The following SH3YL1 variants were observed in gnomAD, a reference collection of about 807,000 sequenced individuals.
SH3YL1 encodes SH3 and SYLF domain containing 1.
In SH3YL1, 41 loss-of-function variants were observed where a neutral mutation model predicts 45.8. The ratio of observed to expected loss-of-function variants is 0.89; its 90% CI spans 0.70 to 1.16. The LOEUF is 1.16. Ranked by LOEUF, SH3YL1 falls within the 50% of genes most tolerant of loss-of-function variation. SH3YL1 has a pLI of 0.00. For missense variants in SH3YL1, 389 were observed against 409.6 expected (o/e 0.95, Z 0.43); for synonymous variants, 152 against 151.4 (o/e 1.00, Z -0.03).
At chr2:264,086 G>T, upstream of SH3YL1, 1 of 1,340,552 alleles carries the variant, frequency 7.5e-7, no homozygotes, top group Non-Finnish European at 9.6e-7. Context: ...GGGCGTACCT[G>T]CGGCAGGTGA....
rs752335951 is a variant in SH3YL1 at position 231,109 on chromosome 2, T to C, written c.616A>G (p.Ile206Val). 3.7e-6 allele frequency: 6 copies of C among 1,614,170 alleles called. No homozygotes were observed. Among genetic ancestry groups the C allele is most frequent in the Middle Eastern group, 1.6e-4 (1 of 6,062 alleles). ...RPAQAEDLYE[I>V]LDSFTEKYEN... ...TACTTTTCAGTAAAGGAATCAAGAA[T>C]TTCATAAAGATCTTCGGCTTGAGCA... Residue 206 changes from isoleucine (I) to valine (V), a missense_variant, in exon 7 of 10, where the codon ATT becomes GTT. Physicochemically the swap from Ile to Val is conservative, Grantham distance 29. Coordinates refer to ENST00000356150, the MANE Select transcript of SH3YL1 (RefSeq NM_015677.4).
At chr2:246,205 A>C (rs1668801205) in intron 4 of SH3YL1, among the ~76,000 whole-genome samples, 1 of 151,932 alleles carries the variant, frequency 6.6e-6, no homozygotes, top group African/African-American at 2.4e-5. Flanking sequence ...CAAAAAAAAA[A>C]AGAGAAAAAA....
At chr2:237,036 G>C (rs1011860898) in intron 4 of SH3YL1, among the ~76,000 whole-genome samples, 3 of 152,050 alleles carry the variant, frequency 2.0e-5, no homozygotes, top group Non-Finnish European at 2.9e-5. Flanking sequence ...TAATTATTTA[G>C]CTTTTCTTAT....
At chr2:221,045 T>C (rs1667548934) in intron 9 of SH3YL1, among the ~76,000 whole-genome samples, 1 of 97,890 alleles carries the variant, frequency 1.0e-5, no homozygotes, top group East Asian at 4.0e-4. Flanking sequence ...GGCACACACA[T>C]GTGCTCCTCT....
intron 1 of SH3YL1, among the ~76,000 whole-genome samples, chr2:258,244 C>T (rs1336550869): frequency 1.3e-5 from 2 of 152,136 alleles, no homozygotes; most frequent in Non-Finnish European, 2.9e-5. Flanking sequence ...TTGCTCTAGG[C>T]AGTATGGCAA....
intron 1 of SH3YL1, chr2:260,734 T>G (rs1572184942): frequency 6.6e-6 from 1 of 152,266 alleles, no homozygotes; most frequent in African/African-American, 2.4e-5. Flanking sequence ...GATTTTCTGA[T>G]ACATGCAACT....
chr2:264,148 C>T, upstream of SH3YL1: 2 of 1,071,894 alleles, frequency 1.9e-6, no homozygotes, highest in Non-Finnish European at 2.5e-6. Context: ...GGACAAAAAC[C>T]ACGCGCCCGC....
chr2:249,902 C>T lies in SH3YL1; in HGVS notation c.113-58G>A, dbSNP rs749703601. 280 of 1,187,752 alleles carry T rather than the reference C, an allele frequency of 2.4e-4. 2 individuals are homozygous for T. The highest frequency in any genetic ancestry group is 2.2e-3 in the Admixed American group (108 of 50,190). The allele number at this position is 1,187,752 out of a possible 1,614,324, so 73.6% of individuals were successfully genotyped here. A position where few individuals can be genotyped will look rare whatever the true frequency, so the allele number is the denominator to read the frequency against. ...ATTTTGATCTATGTGCCTGGATAGA[C>T]GAGCAAGTGTTAAACAGAGTCAGTG... On this transcript the variant is annotated intron_variant, in intron 2 of 9. Transcript: ENST00000356150.
At position 253,057 on chromosome 2, in the gene SH3YL1, TA is replaced by T. The variant is rs1455792637; in HGVS notation, c.59del (p.Leu20Ter). The T allele has an allele frequency of 6.4e-7, 1 of 1,550,598 alleles. No homozygotes were observed. The highest frequency in any genetic ancestry group is 8.7e-7 in the Non-Finnish European group (1 of 1,146,082). Reference protein sequence around the residue: ...KSEAKKAAKILREFTEITSRN... With the variant: ...KSEAKKAAKIXREFTEITSRN... Reference sequence around the variant, plus strand: ...TGGAAGTTATTTCTGTGAATTCTCTTAATATTTTGGCAGCCTTTTTTGCTTC... The same window carrying T: ...TGGAAGTTATTTCTGTGAATTCTCTTATATTTTGGCAGCCTTTTTTGCTTC... On this transcript the variant is annotated frameshift_variant, in exon 2 of 10. Transcript: ENST00000356150. LOFTEE classifies it high-confidence loss of function.
Position 249,789 on chromosome 2 carries a change from C to G in SH3YL1, c.168G>C (p.Gly56=). The G allele has an allele frequency of 1.9e-6, 3 of 1,552,022 alleles. No individual in the cohort carries two copies. The highest frequency in any genetic ancestry group is 2.6e-6 in the Non-Finnish European group (3 of 1,147,060). The stretch of plus-strand genomic sequence containing the variant: ...TGCCTCCTCTGGCAGTCACCAGGAA[C>G]CCGGCTTTGATCACAGACAGAATTG... ...GLAILSVIKA[G]FLVTARGGSG... Residue 56 remains glycine (G), a synonymous_variant, in exon 3 of 10, where the codon GGG becomes GGC. Transcript: ENST00000356150.
intron 9 of SH3YL1, among the ~76,000 whole-genome samples, chr2:223,110 T>C (rs1012845518): frequency 5.3e-5 from 8 of 152,324 alleles, no homozygotes; most frequent in Admixed American, 3.9e-4. Flanking sequence ...CCTTGTCCTG[T>C]CCTCAAATAC....
chr2:264,775 C>G, upstream of SH3YL1: 1 of 598,684 alleles, frequency 1.7e-6, no homozygotes, highest in East Asian at 3.3e-5. Context: ...CCCGCCCGTC[C>G]TACTACCGTC....
In SH3YL1 at chr2:247,604, TAATAA is replaced by T. The variant is rs1157620652; in HGVS notation, c.227-7_227-3del. 6.5e-7 allele frequency: 1 copy of T among 1,548,836 alleles called. No individual in the cohort carries two copies. The highest frequency in any genetic ancestry group is 2.0e-5 in the Admixed American group (1 of 50,218). On this transcript the variant is annotated splice_polypyrimidine_tract_variant and splice_region_variant and intron_variant, in intron 3 of 9. Transcript: ENST00000356150. ...CAATGGCTGAGGGTGCAGACCATTC[TAATAA>T]AAAAACAAACGAACGTTATCCTAAC...
intron 4 of SH3YL1, among the ~76,000 whole-genome samples, chr2:236,636 T>C (rs1312887671): frequency 6.6e-6 from 1 of 152,216 alleles, no homozygotes. Context: ...CATTCAAGGC[T>C]GTTTACGGAT....
intron 8 of SH3YL1, among the ~76,000 whole-genome samples, chr2:228,550 A>G (rs577262578): frequency 1.3e-5 from 2 of 152,352 alleles, no homozygotes; most frequent in Admixed American, 6.5e-5. Flanking sequence ...GACATTTTAT[A>G]TATTTTAAAA....
chr2:246,983 A>G (rs568415510), intron 4 of SH3YL1, among the ~76,000 whole-genome samples: 1 of 152,216 alleles, frequency 6.6e-6, no homozygotes, highest in Non-Finnish European at 1.5e-5. Context: ...CGACAGACTG[A>G]AGATGAGCAT....
intron 1 of SH3YL1, among the ~76,000 whole-genome samples, chr2:253,411 A>T (rs6729496): frequency 2.0e-5 from 3 of 152,078 alleles, no homozygotes; most frequent in South Asian, 2.1e-4. Flanking sequence ...AAAACCAAGA[A>T]GGCAATGAAC....
At chr2:246,650 CACTGATGAAAATG>C (rs1668827044) in intron 4 of SH3YL1, among the ~76,000 whole-genome samples, 1 of 152,006 alleles carries the variant, frequency 6.6e-6, no homozygotes, top group Admixed American at 6.6e-5. Context: ...AAGCCACAAT[CACTGATGAAAATG>C]CACTTTCCAC....
chr2:230,109 ACT>A lies in SH3YL1; in HGVS notation c.703-67_703-66del. On this transcript the variant is annotated intron_variant, in intron 7 of 9. Transcript: ENST00000356150. Reference sequence around the variant, plus strand: ...TCTTGTTTTTACTTAGGCACATATAACTCTTTTCTAATGAGGTTATGTAGCAA... The same window carrying A: ...TCTTGTTTTTACTTAGGCACATATAACTTTTCTAATGAGGTTATGTAGCAA... 9 of 1,272,614 alleles carry A rather than the reference ACT, an allele frequency of 7.1e-6. No homozygotes were observed. The South Asian group carries it at 9.5e-5, about 13-fold the overall frequency. The allele number at this position is 1,272,614 out of a possible 1,614,324, so 78.8% of individuals were successfully genotyped here.
Sources: gnomAD v4.1 joint callset for allele counts (sites outside exome capture counted in the v4.1 genomes callset) on GRCh38, gnomAD v4.1.1 for gene constraint, MANE v1.5 for transcripts, NCBI Gene and HGNC (gene_info 2026-07-23, HGNC 2026-07-21) for gene names.